The following ERO1B variants were observed in gnomAD, a reference collection of about 807,000 sequenced individuals.
The protein encoded by ERO1B is ERO1-like protein beta.
A neutral mutation model predicts 75.3 loss-of-function variants in ERO1B; 49 were observed. The observed-to-expected ratio is 0.65, with a 90% confidence interval of 0.52 to 0.83. ERO1B has a LOEUF of 0.83. Ranked by LOEUF, ERO1B falls within the 40% of genes least tolerant of loss-of-function variation. The probability of loss-of-function intolerance (pLI) is 0.00; values close to 1 mark genes in which losing one functional copy is unlikely to be tolerated. For synonymous variants in ERO1B, 191 were observed against 192.9 expected (o/e 0.99, Z 0.08); for missense variants, 512 against 560.1 (o/e 0.91, Z 0.87).
At chr1:236,264,306 G>A (rs745564308) in intron 2 of ERO1B, among the ~76,000 whole-genome samples, 3 of 151,958 alleles carry the variant, frequency 2.0e-5, no homozygotes, top group Non-Finnish European at 4.4e-5. Context: ...ACAGGGTTCT[G>A]CCATGTTGAC....
intron 6 of ERO1B, among the ~76,000 whole-genome samples, chr1:236,238,703 TTC>T (rs1477260064): frequency 2.0e-5 from 3 of 151,788 alleles, no homozygotes; most frequent in Non-Finnish European, 2.9e-5. Context: ...TTAATTTATG[TTC>T]TCTGACACAT....
At chr1:236,250,705 C>CAT (rs35945937) in intron 4 of ERO1B, among the ~76,000 whole-genome samples, 2,893 of 147,512 alleles carry the variant, frequency 0.02, 71 homozygotes, top group African/African-American at 0.06. Context: ...TATACACACA[C>CAT]ATATATATAT....
intron 2 of ERO1B, among the ~76,000 whole-genome samples, chr1:236,263,406 G>A (rs536052932): frequency 1.3e-4 from 19 of 151,768 alleles, no homozygotes; most frequent in East Asian, 1.9e-4. Flanking sequence ...ACTCCACCAC[G>A]CCTGGCTAAT....
intron 8 of ERO1B, among the ~76,000 whole-genome samples, chr1:236,233,514 C>T (rs1361158483): frequency 1.3e-5 from 2 of 151,532 alleles, no homozygotes; most frequent in African/African-American, 4.9e-5. Flanking sequence ...CAGAGAACTG[C>T]TTGAACCCAG....
chr1:236,277,671 C>T (rs562805216), intron 1 of ERO1B, among the ~76,000 whole-genome samples: 1 of 152,226 alleles, frequency 6.6e-6, no homozygotes, highest in African/African-American at 2.4e-5. Context: ...TGGAATTTCT[C>T]TTCTGATTGC....
intron 13 of ERO1B, among the ~76,000 whole-genome samples, chr1:236,222,906 G>A (rs1726626): frequency 0.47 from 71,198 of 151,792 alleles, 17,390 homozygotes; most frequent in East Asian, 0.88. Flanking sequence ...CTATTTTGCT[G>A]TAATAGTTTC....
chr1:236,229,804 C>T (rs1044117867), intron 10 of ERO1B, among the ~76,000 whole-genome samples: 15 of 152,274 alleles, frequency 9.9e-5, no homozygotes, highest in South Asian at 6.2e-4. Flanking sequence ...ACTATATTAA[C>T]GTGGCAAATA....
chr1:236,249,067 C>A (rs1664953699), intron 5 of ERO1B, among the ~76,000 whole-genome samples: 1 of 150,860 alleles, frequency 6.6e-6, no homozygotes, highest in African/African-American at 2.4e-5. Context: ...CTCTTGTCAC[C>A]CAGGTTAGAG....
At chr1:236,266,129 G>A (rs1468528509) in intron 2 of ERO1B, among the ~76,000 whole-genome samples, 6 of 152,026 alleles carry the variant, frequency 3.9e-5, no homozygotes, top group African/African-American at 1.2e-4. Context: ...ATTCACTACT[G>A]TATCCATAGT....
rs147947522 is a variant in ERO1B at position 236,240,833 on chromosome 1, GT to G, written c.505+2588del. The stretch of plus-strand genomic sequence containing the variant: ...ATATGCCATATACTGTCAGACAGTT[GT>G]TAGTGCTTGGGCAGGGTGGGGGCCA... On this transcript the variant is annotated intron_variant, in intron 6 of 15. Transcript: ENST00000354619. Among the ~76,000 whole-genome samples the G allele has an allele frequency of 6.8e-3, 1,042 of 152,242 alleles. 31 individuals are homozygous for G. Among genetic ancestry groups the G allele is most frequent in the Admixed American group, 0.049 (747 of 15,286 alleles).
At position 236,236,398 on chromosome 1, in the gene ERO1B, T is replaced by C. The variant is rs1442942210; in HGVS notation, c.506A>G (p.Asp169Gly). The change falls in exon 7 of 16, where the codon GAT becomes GGT. Residue 169 changes from aspartate to glycine, a missense_variant and splice_region_variant. Transcript: ENST00000354619. The part of the protein sequence containing the change: ...DSRDHFCELD[D>G]ERSPAAQYVD... ...ATACTGAGCAGCTGGAGATCTCTCA[T>C]CTGAACAAGAAAAAATTCATAAAAA... 1 of 1,613,424 alleles carries C rather than the reference T, an allele frequency of 6.2e-7. No homozygotes were observed. The highest frequency in any genetic ancestry group is 8.5e-7 in the Non-Finnish European group (1 of 1,179,788).
chr1:236,234,958 A>G (rs1467356310), intron 8 of ERO1B, among the ~76,000 whole-genome samples: 2 of 152,198 alleles, frequency 1.3e-5, no homozygotes, highest in Admixed American at 1.3e-4. Context: ...TTAAAATTCA[A>G]AAGTATACAC....
intron 2 of ERO1B, among the ~76,000 whole-genome samples, chr1:236,261,789 C>T (rs1019202674): frequency 7.9e-5 from 12 of 151,954 alleles, no homozygotes; most frequent in African/African-American, 1.9e-4. Context: ...AAAAACAATA[C>T]GGCCAGACAC....
intron 13 of ERO1B, 44 bp downstream of exon 13, chr1:236,225,026 A>G (rs751876603): frequency 6.4e-7 from 1 of 1,566,428 alleles, no homozygotes; most frequent in Non-Finnish European, 8.8e-7. Flanking sequence ...AAGCATAACC[A>G]GCAAACTGCT....
rs1407501038 is a variant in ERO1B at position 236,239,847 on chromosome 1, A to ATG, written c.506-3451_506-3450dup. Among the ~76,000 whole-genome samples, 27 of 15,160 alleles carry ATG rather than the reference A, an allele frequency of 1.8e-3. 1 individual carries two copies. Among genetic ancestry groups the ATG allele is most frequent in the Non-Finnish European group, 0.012 (22 of 1,818 alleles). 9.9% of individuals were successfully genotyped at this position (15,160 alleles called of 152,430 possible). A position where few individuals can be genotyped will look rare whatever the true frequency, so the allele number is the denominator to read the frequency against. ...TGTGTATATATATGTGTATATATATATGTGTATATATGTATATATATATGT... is the reference window on the plus strand; with the variant it reads ...TGTGTATATATATGTGTATATATATATGTGTGTATATATGTATATATATATGT... On this transcript the variant is annotated intron_variant, in intron 6 of 15. Transcript: ENST00000354619.
intron 2 of ERO1B, among the ~76,000 whole-genome samples, chr1:236,268,381 A>C (rs1380024668): frequency 6.6e-6 from 1 of 152,082 alleles, no homozygotes; most frequent in Non-Finnish European, 1.5e-5. Context: ...CGGAGGTTGC[A>C]GTGAACTGAG....
rs546048367 is a variant in ERO1B at position 236,267,518 on chromosome 1, G to A, written c.222+2357C>T. Among the ~76,000 whole-genome samples, 3 of 152,260 alleles carry A rather than the reference G, an allele frequency of 2.0e-5. No individual in the cohort carries two copies. In the South Asian group the frequency reaches 6.2e-4, roughly 32 times the overall value. On this transcript the variant is annotated intron_variant, in intron 2 of 15. Transcript: ENST00000354619. Reference sequence around the variant, plus strand: ...AGATACAAACCCAAAGTGAAGGAGTGAAAGAGTGAGGGACATAACATTATG... The same window carrying A: ...AGATACAAACCCAAAGTGAAGGAGTAAAAGAGTGAGGGACATAACATTATG...
chr1:236,230,085 T>C, intron 10 of ERO1B, 139 bp downstream of exon 10: 1 of 680,894 alleles, frequency 1.5e-6, no homozygotes, highest in Non-Finnish European at 2.5e-6. Context: ...TCCCCATATG[T>C]TAACCTAAAA....
chr1:236,226,544 GT>G, intron 11 of ERO1B, 29 bp from the exon 12 acceptor site: 1 of 1,598,990 alleles, frequency 6.3e-7, no homozygotes, highest in South Asian at 1.1e-5. Flanking sequence ...ACATTACATT[GT>G]TTTAGTAAAC....
Sources: gnomAD v4.1 joint callset for allele counts (sites outside exome capture counted in the v4.1 genomes callset) on GRCh38, gnomAD v4.1.1 for gene constraint, MANE v1.5 for transcripts, NCBI Gene and HGNC (gene_info 2026-07-23, HGNC 2026-07-21) for gene names.